Variants in NDUFAF6 observed in about 807,000 individuals in gnomAD.
The protein encoded by NDUFAF6 is NADH dehydrogenase (ubiquinone) complex I, assembly factor 6.
A neutral mutation model predicts 40.8 loss-of-function variants in NDUFAF6; 45 were observed. The ratio of observed to expected loss-of-function variants is 1.10; its 90% confidence interval spans 0.87 to 1.42. The LOEUF is 1.42. NDUFAF6 is among the 40% of genes most tolerant of loss of function. The pLI, the probability that NDUFAF6 is intolerant of heterozygous loss-of-function variation, is 0.00. For synonymous variants in NDUFAF6, 185 were observed against 155.9 expected (o/e 1.19, Z -1.39); for missense variants, 435 against 418.5 (o/e 1.04, Z -0.34).
chr8:95,090,331 G>A (rs1041015475), intron 2 of NDUFAF6, among the ~76,000 whole-genome samples: 1 of 152,164 alleles, frequency 6.6e-6, no homozygotes, highest in Non-Finnish European at 1.5e-5. Flanking sequence ...GTATGATAAC[G>A]TGAGTTGTTG....
chr8:95,068,988 T>C (rs1401302526), intron 9 of NDUFAF6: 1 of 151,990 alleles, frequency 6.6e-6, no homozygotes, highest in Non-Finnish European at 1.5e-5. Context: ...TTGACTCTGC[T>C]TTCTTAGTTT....
Position 94,985,496 on chromosome 8 carries a change from TATATATATATATATATATA to T in NDUFAF6, c.-84+4524_-84+4542del, listed in dbSNP as rs1234937540. Among the ~76,000 whole-genome samples the T allele has an allele frequency of 6.8e-3, 58 of 8,588 alleles. 1 individual carries two copies. Among genetic ancestry groups the T allele is most frequent in the African/African-American group, 0.014 (34 of 2,508 alleles). 5.6% of individuals were successfully genotyped at this position (8,588 alleles called of 152,430 possible). A position where few individuals can be genotyped will look rare whatever the true frequency, so the allele number is the denominator to read the frequency against. ...ATATATATATATATATATATATATATATATATATATATATATATATTTTTTTTTTTTTTTTTTTTTTTTT... is the reference window on the plus strand; with the variant it reads ...ATATATATATATATATATATATATATTTTTTTTTTTTTTTTTTTTTTTTTT... On this transcript the variant is annotated intron_variant, in intron 2 of 9. Transcript: ENST00000396111.
At chr8:94,935,174 T>TAGATAG (rs766797744) in intron 1 of NDUFAF6, among the ~76,000 whole-genome samples, 1 of 151,732 alleles carries the variant, frequency 6.6e-6, no homozygotes, top group Non-Finnish European at 1.5e-5. Flanking sequence ...GATAGATAGA[T>TAGATAG]ATAATACAAT....
chr8:94,909,784 A>ATG (rs1255432058), intron 1 of NDUFAF6, among the ~76,000 whole-genome samples: 3 of 147,890 alleles, frequency 2.0e-5, no homozygotes, highest in Admixed American at 1.4e-4. Flanking sequence ...AAAATTATAT[A>ATG]TGTGTATATA....
rs1410645873 is a variant in NDUFAF6 at position 94,919,207 on chromosome 8, A to T, written c.-936+23280A>T. Among the ~76,000 whole-genome samples the T allele has an allele frequency of 3.3e-5, 5 of 152,014 alleles. No homozygotes were observed. In the East Asian group the frequency reaches 9.6e-4, roughly 29 times the overall value. On this transcript the variant is annotated intron_variant, in intron 1 of 14. Coordinates refer to the NDUFAF6 transcript ENST00000396113. The stretch of plus-strand genomic sequence containing the variant: ...CTTTTTTTTTTCCTTTTTTAGATAG[A>T]GTCTTGCTCTGTCACCCAGGTTGGA...
At chr8:94,909,117 G>A (rs1002440411) in intron 1 of NDUFAF6, among the ~76,000 whole-genome samples, 6 of 152,080 alleles carry the variant, frequency 3.9e-5, no homozygotes, top group Admixed American at 3.9e-4. Flanking sequence ...AGCCCGAGGT[G>A]GGTGGATCAC....
intron 2 of NDUFAF6, chr8:94,950,333 G>T (rs1822480129): frequency 6.6e-6 from 1 of 152,302 alleles, no homozygotes; most frequent in Non-Finnish European, 1.5e-5. Context: ...CCCACATATA[G>T]GTGGATTAAC....
At chr8:94,919,977 A>C (rs555775273) in intron 1 of NDUFAF6, among the ~76,000 whole-genome samples, 1 of 152,212 alleles carries the variant, frequency 6.6e-6, no homozygotes, top group South Asian at 2.1e-4. Flanking sequence ...ATTTTTTTTT[A>C]ACATAGAATT....
At chr8:94,918,311 C>T (rs551193892) in intron 1 of NDUFAF6, among the ~76,000 whole-genome samples, 11 of 152,286 alleles carry the variant, frequency 7.2e-5, no homozygotes, top group Admixed American at 5.9e-4. Context: ...CTGGCCTGCA[C>T]TTCCCAGGGT....
chr8:95,020,141 G>C (rs1242389183), upstream of NDUFAF6, among the ~76,000 whole-genome samples: 3 of 152,212 alleles, frequency 2.0e-5, no homozygotes, highest in African/African-American at 4.8e-5. Context: ...GGAAGTTGCA[G>C]TGAGCGGAGA....
intron 2 of NDUFAF6, among the ~76,000 whole-genome samples, chr8:95,090,823 A>G (rs537432541): frequency 1.3e-5 from 2 of 152,194 alleles, no homozygotes; most frequent in African/African-American, 4.8e-5. Context: ...AGGCAGAAAA[A>G]CACAAAAAGG....
At chr8:95,036,566 A>C in intron 3 of NDUFAF6, 1 of 1,182,894 alleles carries the variant, frequency 8.5e-7, no homozygotes, top group Non-Finnish European at 1.1e-6. Context: ...ACTCACTAAA[A>C]AGTTTTCCTA....
intron 3 of NDUFAF6, among the ~76,000 whole-genome samples, chr8:95,036,676 G>A (rs547697532): frequency 1.3e-5 from 2 of 152,234 alleles, no homozygotes; most frequent in Non-Finnish European, 2.9e-5. Flanking sequence ...TCTGGCCTTT[G>A]TTGGGAAATA....
At chr8:94,985,515 ATTTTTTTTTTTTTTTTTTTTTT>A (rs1200345448) in intron 2 of NDUFAF6, among the ~76,000 whole-genome samples, 89 of 6,550 alleles carry the variant, frequency 0.014, no homozygotes, top group South Asian at 0.054. Context: ...ATATATATAT[ATTTTTTTTTTTTTTTTTTTTTT>A]TTTTTTTTTT....
At chr8:94,950,574 G>T (rs1442782393) in intron 2 of NDUFAF6, among the ~76,000 whole-genome samples, 2 of 152,234 alleles carry the variant, frequency 1.3e-5, no homozygotes, top group African/African-American at 4.8e-5. Flanking sequence ...GCAGGGAGTT[G>T]TCAGACACCA....
intron 1 of NDUFAF6, among the ~76,000 whole-genome samples, chr8:94,900,749 AC>A (rs1330365391): frequency 6.6e-6 from 1 of 152,200 alleles, no homozygotes; most frequent in African/African-American, 2.4e-5. Flanking sequence ...GGACTGGGGA[AC>A]AGAGGATAAA....
intron 4 of NDUFAF6, among the ~76,000 whole-genome samples, chr8:95,114,669 C>A (rs1810089733): frequency 1.3e-5 from 2 of 152,168 alleles, no homozygotes. Flanking sequence ...TCTATAATCT[C>A]TTTCATTCAC....
intron 5 of NDUFAF6, 104 bp downstream of exon 5, chr8:95,045,751 C>T (rs910876034): frequency 2.4e-6 from 2 of 816,552 alleles, no homozygotes; most frequent in Non-Finnish European, 4.1e-6. Flanking sequence ...CTAAAGCCTT[C>T]CTTTATACTA....
intron 5 of NDUFAF6, 91 bp downstream of exon 5, chr8:95,045,738 G>C (rs1830671473): frequency 1.0e-6 from 1 of 981,506 alleles, no homozygotes; most frequent in Non-Finnish European, 1.6e-6. Context: ...AACCAGTTTA[G>C]CACTAAAGCC....
Sources: allele counts gnomAD v4.1 joint callset (sites outside exome capture counted in the v4.1 genomes callset), GRCh38; gene constraint gnomAD v4.1.1; transcripts MANE v1.5; gene names NCBI Gene and HGNC (gene_info 2026-07-23, HGNC 2026-07-21).